Variants in NEK7 observed in about 807,000 individuals in gnomAD.
The protein encoded by NEK7 is serine/threonine-protein kinase Nek7.
NEK7 carries 18 observed loss-of-function variants against 44.6 expected under a neutral mutation model. The ratio of observed to expected loss-of-function variants is 0.40; its 90% CI spans 0.28 to 0.60. The LOEUF is 0.60. NEK7 is among the 20% of genes least tolerant of loss of function. The probability of loss-of-function intolerance (pLI) is 0.38; values close to 1 mark genes in which losing one functional copy is unlikely to be tolerated. For missense variants in NEK7, 256 were observed against 366.5 expected (o/e 0.70, Z 2.46); for synonymous variants, 130 against 121.1 (o/e 1.07, Z -0.48).
chr1:198,229,195 AG>A (rs1415721231), intron 1 of NEK7, among the ~76,000 whole-genome samples: 1 of 152,162 alleles, frequency 6.6e-6, no homozygotes, highest in Non-Finnish European at 1.5e-5. Flanking sequence ...TCTCCACAAA[AG>A]GCCCAAGTGG....
At chr1:198,298,628 G>T (rs1399920920) in intron 9 of NEK7, among the ~76,000 whole-genome samples, 1 of 152,138 alleles carries the variant, frequency 6.6e-6, no homozygotes, top group Non-Finnish European at 1.5e-5. Flanking sequence ...AATACAGTGG[G>T]GTGTGAACAA....
intron 7 of NEK7, among the ~76,000 whole-genome samples, chr1:198,287,597 G>A (rs1394921344): frequency 2.0e-5 from 3 of 152,004 alleles, no homozygotes; most frequent in Non-Finnish European, 2.9e-5. Context: ...GGGAGAAAAT[G>A]CCACACTTGG....
At chr1:198,271,905 T>TTTTATATATATATA (rs751259588) in intron 5 of NEK7, among the ~76,000 whole-genome samples, 5 of 141,392 alleles carry the variant, frequency 3.5e-5, no homozygotes, top group East Asian at 2.1e-4. Flanking sequence ...AATTTATATT[T>TTTTATATATATATA]TATATATATA....
At chr1:198,308,403 C>A (rs1655078676) in intron 9 of NEK7, among the ~76,000 whole-genome samples, 1 of 152,174 alleles carries the variant, frequency 6.6e-6, no homozygotes, top group Non-Finnish European at 1.5e-5. Context: ...GTGTCAGTAT[C>A]TCAAATGTGA....
At chr1:198,238,069 G>A (rs1666584695) in intron 2 of NEK7, among the ~76,000 whole-genome samples, 1 of 152,098 alleles carries the variant, frequency 6.6e-6, no homozygotes, top group Non-Finnish European at 1.5e-5. Context: ...CTTTTAAAAT[G>A]AACATGAAAA....
chr1:198,243,557 T>C (rs892015927), intron 2 of NEK7, among the ~76,000 whole-genome samples: 1 of 152,202 alleles, frequency 6.6e-6, no homozygotes, highest in African/African-American at 2.4e-5. Flanking sequence ...TCAGTATTTT[T>C]GGTTACATCA....
At chr1:198,172,876 T>G (rs1386493794) in intron 1 of NEK7, among the ~76,000 whole-genome samples, 1 of 152,218 alleles carries the variant, frequency 6.6e-6, no homozygotes, top group Admixed American at 6.5e-5. Flanking sequence ...AAATCTATAT[T>G]GATCATAACT....
intron 7 of NEK7, among the ~76,000 whole-genome samples, chr1:198,290,790 A>G (rs987612002): frequency 6.6e-6 from 1 of 152,198 alleles, no homozygotes; most frequent in African/African-American, 2.4e-5. Flanking sequence ...GAAATAAAAC[A>G]TGCTTATTTA....
chr1:198,298,908 C>T (rs1465477979), intron 9 of NEK7, among the ~76,000 whole-genome samples: 3 of 152,192 alleles, frequency 2.0e-5, no homozygotes, highest in Admixed American at 6.5e-5. Context: ...TCGTTGAAGT[C>T]GGCCTGCCTG....
intron 1 of NEK7, among the ~76,000 whole-genome samples, chr1:198,221,483 C>T (rs1041833332): frequency 1.7e-4 from 25 of 151,372 alleles, no homozygotes; most frequent in African/African-American, 6.1e-4. Flanking sequence ...AAATTATGAT[C>T]ACAGGTAAAA....
intron 9 of NEK7, among the ~76,000 whole-genome samples, chr1:198,313,301 C>T (rs1355562973): frequency 6.6e-6 from 1 of 151,900 alleles, no homozygotes; most frequent in Non-Finnish European, 1.5e-5. Context: ...GGTAGATCTT[C>T]CTCCATCCTT....
At chr1:198,176,783 C>CT (rs1434095887) in intron 1 of NEK7, among the ~76,000 whole-genome samples, 9 of 151,952 alleles carry the variant, frequency 5.9e-5, no homozygotes, top group African/African-American at 1.9e-4. Flanking sequence ...CTGGTATGAC[C>CT]TAGGGACCGT....
At chr1:198,231,440 C>A (rs1666397400) in intron 1 of NEK7, among the ~76,000 whole-genome samples, 1 of 148,714 alleles carries the variant, frequency 6.7e-6, no homozygotes, top group African/African-American at 2.5e-5. Context: ...AGTTGGATAT[C>A]CATAAAGAAA....
chr1:198,268,986 T>A (rs986418679), intron 5 of NEK7, among the ~76,000 whole-genome samples: 1 of 152,158 alleles, frequency 6.6e-6, no homozygotes, highest in Non-Finnish European at 1.5e-5. Flanking sequence ...GCATTTTCCT[T>A]TGACTCGTAG....
intron 9 of NEK7, among the ~76,000 whole-genome samples, chr1:198,315,975 A>C (rs1007736949): frequency 3.9e-5 from 6 of 152,174 alleles, no homozygotes; most frequent in Non-Finnish European, 8.8e-5. Flanking sequence ...GTTGTTGAAG[A>C]TAAGAAGGAA....
rs376616523 is a variant in NEK7, at chr1:198,310,913, C to T, written c.799-8499C>T. On this transcript the variant is annotated intron_variant, in intron 9 of 9. Coordinates refer to ENST00000367385, the MANE Select transcript of NEK7 (RefSeq NM_133494.3). ...TTCTTTTCGCTTAGGATTGACTTGG[C>T]GATGCGGGCTCTTTTTTGGTTCCAT... Among the ~76,000 whole-genome samples, 1,058 of 149,690 alleles carry T rather than the reference C, an allele frequency of 7.1e-3. 21 individuals are homozygous for T. Among genetic ancestry groups the T allele is most frequent in the South Asian group, 0.035 (165 of 4,678 alleles).
intron 9 of NEK7, among the ~76,000 whole-genome samples, chr1:198,310,162 T>A (rs560997747): frequency 5.9e-5 from 9 of 152,350 alleles, no homozygotes; most frequent in Admixed American, 2.0e-4. Flanking sequence ...GGTATCTCAT[T>A]GTGGTTTTGA....
chr1:198,290,731 T>C (rs1416851755), intron 7 of NEK7, among the ~76,000 whole-genome samples: 1 of 152,184 alleles, frequency 6.6e-6, no homozygotes, highest in African/African-American at 2.4e-5. Flanking sequence ...GTAGCATCCT[T>C]AGCTTTACAT....
At chr1:198,253,015 A>T (rs368529250) in intron 2 of NEK7, 25 bp from the exon 3 acceptor site, 6 of 1,593,666 alleles carry the variant, frequency 3.8e-6, no homozygotes, top group Non-Finnish European at 4.3e-6. Flanking sequence ...GTGATTGAAA[A>T]TTTTTCTGAC....
Sources: gnomAD v4.1 joint callset for allele counts (sites outside exome capture counted in the v4.1 genomes callset) on GRCh38, gnomAD v4.1.1 for gene constraint, MANE v1.5 for transcripts, NCBI Gene and HGNC (gene_info 2026-07-23, HGNC 2026-07-21) for gene names.